MED12L: variants seen among roughly 807,000 people sequenced by gnomAD.
The protein encoded by MED12L is mediator complex subunit 12L.
Under a neutral mutation model 281.3 loss-of-function variants are expected in MED12L, and 60 were observed. That is an observed-to-expected ratio of 0.21 (90% CI 0.17 to 0.26). MED12L has a LOEUF of 0.26. Ranked by LOEUF, MED12L falls within the 10% of genes least tolerant of loss-of-function variation. MED12L has a pLI of 1.00. For synonymous variants in MED12L, 974 were observed against 987.2 expected (o/e 0.99, Z 0.25); for missense variants, 2,146 against 2,680.9 (o/e 0.80, Z 4.41).
intron 21 of MED12L, 22 bp downstream of exon 21, chr3:151,360,627 G>T: frequency 6.2e-7 from 1 of 1,600,670 alleles, no homozygotes; most frequent in Non-Finnish European, 8.5e-7. Flanking sequence ...AGACTCAAAA[G>T]GACAGAAATA....
At chr3:151,376,900 C>T (rs1178804320) in intron 29 of MED12L, 26 bp downstream of exon 29, 3 of 1,612,438 alleles carry the variant, frequency 1.9e-6, no homozygotes, top group Admixed American at 1.7e-5. Flanking sequence ...AAGCTTATCT[C>T]TGTATGAAAT....
intron 16 of MED12L, among the ~76,000 whole-genome samples, chr3:151,348,741 C>A (rs180992020): frequency 5.3e-5 from 8 of 152,120 alleles, no homozygotes; most frequent in African/African-American, 1.4e-4. Context: ...CTGAGAAAGA[C>A]AGACCGACAC....
intron 17 of MED12L, among the ~76,000 whole-genome samples, chr3:151,351,603 G>A (rs1753245630): frequency 6.6e-6 from 1 of 152,180 alleles, no homozygotes; most frequent in South Asian, 2.1e-4. Context: ...GTTGCATTTA[G>A]AAGATTGAAT....
At chr3:151,375,714 AACTG>A (rs1460738717) in intron 27 of MED12L, among the ~76,000 whole-genome samples, 1 of 152,154 alleles carries the variant, frequency 6.6e-6, no homozygotes, top group Non-Finnish European at 1.5e-5. Flanking sequence ...AGTTAGAAAA[AACTG>A]ACACAAAATA....
intron 5 of MED12L, among the ~76,000 whole-genome samples, chr3:151,151,671 G>T (rs1283815098): frequency 1.3e-5 from 2 of 152,070 alleles, no homozygotes; most frequent in Non-Finnish European, 2.9e-5. Context: ...CATTAAGTTG[G>T]CTGTCTTATA....
At chr3:151,092,584 C>T (rs1439269543) in intron 2 of MED12L, among the ~76,000 whole-genome samples, 2 of 152,182 alleles carry the variant, frequency 1.3e-5, no homozygotes, top group East Asian at 1.9e-4. Context: ...TTGTTAGCAT[C>T]GAAAACTCTT....
At chr3:151,425,133 G>A (rs750472355) in intron 43 of MED12L, among the ~76,000 whole-genome samples, 11 of 152,202 alleles carry the variant, frequency 7.2e-5, no homozygotes, top group Non-Finnish European at 1.5e-4. Flanking sequence ...CACAATTCAG[G>A]AGGCAAGGTG....
At chr3:151,208,876 G>A (rs1726746440) in intron 16 of MED12L, among the ~76,000 whole-genome samples, 1 of 152,122 alleles carries the variant, frequency 6.6e-6, no homozygotes, top group South Asian at 2.1e-4. Flanking sequence ...GAGAAGTAGT[G>A]CAGGTATGGG....
At chr3:151,203,436 G>A (rs1161421020) in intron 16 of MED12L, among the ~76,000 whole-genome samples, 1 of 149,990 alleles carries the variant, frequency 6.7e-6, no homozygotes, top group Non-Finnish European at 1.5e-5. Flanking sequence ...AAGTATCCAA[G>A]GTATGTTTTG....
intron 16 of MED12L, among the ~76,000 whole-genome samples, chr3:151,339,675 G>A (rs1751548048): frequency 1.3e-5 from 2 of 151,966 alleles, no homozygotes; most frequent in South Asian, 4.1e-4. Context: ...AATGGCCTGT[G>A]TATATATGGT....
At chr3:151,242,244 G>T (rs6440729) in intron 16 of MED12L, among the ~76,000 whole-genome samples, 6,013 of 152,328 alleles carry the variant, frequency 0.039, 396 homozygotes, top group African/African-American at 0.14. Flanking sequence ...CAAAGCAGCC[G>T]GGAAGCTCAA....
chr3:151,108,088 T>C (rs1722296936), intron 2 of MED12L, among the ~76,000 whole-genome samples: 1 of 152,168 alleles, frequency 6.6e-6, no homozygotes, highest in South Asian at 2.1e-4. Flanking sequence ...GAAGAAAGCC[T>C]TCTGATGCTT....
chr3:151,372,803 T>C, intron 27 of MED12L, 37 bp downstream of exon 27: 1 of 1,547,026 alleles, frequency 6.5e-7, no homozygotes, highest in Non-Finnish European at 8.9e-7. Flanking sequence ...TTTGAGTACG[T>C]AACTCTTCTT....
chr3:151,430,433 A>G, intron 44 of MED12L, 53 bp downstream of exon 44: 1 of 1,606,878 alleles, frequency 6.2e-7, no homozygotes, highest in Non-Finnish European at 8.5e-7. Flanking sequence ...ATTAAAAATA[A>G]GCCAGCGAAA....
chr3:151,174,252 G>T (rs539932065), intron 11 of MED12L, among the ~76,000 whole-genome samples: 1 of 152,268 alleles, frequency 6.6e-6, no homozygotes, highest in Non-Finnish European at 1.5e-5. Flanking sequence ...ACATGTACTT[G>T]TTAAGGACTT....
chr3:151,268,024 G>A (rs929196543), intron 16 of MED12L, among the ~76,000 whole-genome samples: 2 of 152,062 alleles, frequency 1.3e-5, no homozygotes, highest in Admixed American at 6.5e-5. Flanking sequence ...AGTCTTATGC[G>A]TTCTTAGTAA....
At chr3:151,331,293 G>C (rs556699456) in intron 16 of MED12L, among the ~76,000 whole-genome samples, 12 of 152,296 alleles carry the variant, frequency 7.9e-5, no homozygotes, top group African/African-American at 2.9e-4. Flanking sequence ...GAGGCCTTTT[G>C]CCCTTGAAGA....
chr3:151,133,467 T>G (rs1289564366), intron 5 of MED12L, among the ~76,000 whole-genome samples: 15 of 152,112 alleles, frequency 9.9e-5, no homozygotes, highest in Admixed American at 7.2e-4. Context: ...CTGAGTGAGG[T>G]CTCATGTGTA....
At chr3:151,146,984 C>T (rs1055855606) in intron 5 of MED12L, among the ~76,000 whole-genome samples, 1 of 152,220 alleles carries the variant, frequency 6.6e-6, no homozygotes, top group Non-Finnish European at 1.5e-5. Context: ...AGTGCACTGA[C>T]TACTTTTCAT....
Sources: allele counts gnomAD v4.1 joint callset (sites outside exome capture counted in the v4.1 genomes callset), GRCh38; gene constraint gnomAD v4.1.1; transcripts MANE v1.5; gene names NCBI Gene and HGNC (gene_info 2026-07-23, HGNC 2026-07-21).